The following STK3 variants were observed in gnomAD, a reference collection of about 807,000 sequenced individuals.
The protein encoded by STK3 is serine/threonine-protein kinase 3.
STK3 carries 41 observed loss-of-function variants against 58.0 expected under a neutral mutation model. The ratio of observed to expected loss-of-function variants is 0.71; its 90% CI spans 0.55 to 0.92. The LOEUF is 0.92. Ranked by LOEUF, STK3 falls within the 40% of genes least tolerant of loss-of-function variation. The pLI is 0.00. For synonymous variants in STK3, 170 were observed against 191.0 expected (o/e 0.89, Z 0.91); for missense variants, 479 against 602.7 (o/e 0.79, Z 2.15).
At chr8:98,646,416 T>C (rs1273773630) in intron 6 of STK3, among the ~76,000 whole-genome samples, 1 of 152,234 alleles carries the variant, frequency 6.6e-6, no homozygotes. Context: ...TTGTATTTTA[T>C]CTATTATCTA....
intron 1 of STK3, among the ~76,000 whole-genome samples, chr8:98,907,561 G>T (rs192154855): frequency 5.3e-5 from 8 of 152,220 alleles, no homozygotes; most frequent in Admixed American, 3.3e-4. Context: ...ATCAACTCAT[G>T]GCCAATGTTT....
At chr8:98,463,106 C>T (rs995688593) in intron 10 of STK3, 5 of 152,126 alleles carry the variant, frequency 3.3e-5, no homozygotes, top group African/African-American at 1.2e-4. Context: ...GAATATACTG[C>T]CTTCTAAGCA....
At chr8:98,468,651 A>G (rs764183047) in intron 10 of STK3, among the ~76,000 whole-genome samples, 1 of 152,252 alleles carries the variant, frequency 6.6e-6, no homozygotes, top group South Asian at 2.1e-4. Context: ...ATAAATGAAC[A>G]TAAGTCCTGC....
At chr8:98,367,540 C>T (rs966928545), downstream of STK3, among the ~76,000 whole-genome samples, 1 of 152,216 alleles carries the variant, frequency 6.6e-6, no homozygotes, top group South Asian at 2.1e-4. Context: ...AAGTTCTGGA[C>T]TTGCACAGCA....
At chr8:98,732,560 T>C (rs1284157936) in intron 4 of STK3, among the ~76,000 whole-genome samples, 1 of 152,136 alleles carries the variant, frequency 6.6e-6, no homozygotes, top group Non-Finnish European at 1.5e-5. Flanking sequence ...AAGGCTCAAA[T>C]AATAATTGAC....
chr8:98,658,654 C>T (rs575872351), intron 6 of STK3, among the ~76,000 whole-genome samples: 1 of 152,028 alleles, frequency 6.6e-6, no homozygotes, highest in East Asian at 1.9e-4. Context: ...TTCAATCACC[C>T]CCTATTGAAC....
chr8:98,902,754 C>A (rs541227150), intron 1 of STK3, among the ~76,000 whole-genome samples: 1 of 152,244 alleles, frequency 6.6e-6, no homozygotes, highest in South Asian at 2.1e-4. Context: ...CTTCCCATTG[C>A]ACTTAATAAT....
chr8:98,843,856 C>T (rs1005939230), intron 3 of STK3, among the ~76,000 whole-genome samples: 1 of 152,118 alleles, frequency 6.6e-6, no homozygotes, highest in African/African-American at 2.4e-5. Context: ...GTCTCTACTA[C>T]AAAGACAAAA....
chr8:98,687,846 A>G lies in STK3; in HGVS notation c.684+18621T>C, dbSNP rs903500680. Among the ~76,000 whole-genome samples, 28 of 152,202 alleles carry G rather than the reference A, an allele frequency of 1.8e-4. 2 individuals carry two copies. The highest frequency in any genetic ancestry group is 5.9e-5 in the Non-Finnish European group (4 of 68,036). On this transcript the variant is annotated intron_variant, in intron 6 of 10. Coordinates refer to ENST00000419617, the MANE Select transcript of STK3 (RefSeq NM_006281.4). ...AGCACACGTAAAGCACATAACCCAC[A>G]GACTCTATAAAGCAACTATACAATC...
intron 3 of STK3, among the ~76,000 whole-genome samples, chr8:98,433,687 G>A (rs1032008856): frequency 6.6e-6 from 1 of 152,198 alleles, no homozygotes; most frequent in African/African-American, 2.4e-5. Flanking sequence ...TTCTAGCCAT[G>A]AGCCGATCCT....
chr8:98,601,923 C>A (rs1816383920), intron 6 of STK3, among the ~76,000 whole-genome samples: 1 of 152,158 alleles, frequency 6.6e-6, no homozygotes, highest in South Asian at 2.1e-4. Flanking sequence ...AAGTTCAGCA[C>A]TTGTAGAACT....
At chr8:98,477,729 G>GGGGGGGT (rs1563643045) in intron 10 of STK3, among the ~76,000 whole-genome samples, 2 of 108,104 alleles carry the variant, frequency 1.9e-5, no homozygotes, top group African/African-American at 7.3e-5. Context: ...GGCGGGGGGG[G>GGGGGGGT]GCCCTAATGA....
rs566733528 is a variant in STK3, at chr8:98,862,601, G to A, written c.110+21046C>T. The stretch of plus-strand genomic sequence containing the variant: ...TTTGGAGATGGCTCAATGCCAGACC[G>A]AACAGGACTTTTTAGAGACATTGGA... On this transcript the variant is annotated intron_variant, in intron 3 of 12. Transcript: ENST00000523601. Among the ~76,000 whole-genome samples the A allele has an allele frequency of 1.9e-4, 29 of 152,296 alleles. No individual in the cohort carries two copies. In the South Asian group the frequency reaches 3.1e-3, roughly 16 times the overall value.
intron 3 of STK3, among the ~76,000 whole-genome samples, chr8:98,861,580 T>C (rs568506765): frequency 2.3e-4 from 35 of 152,210 alleles, no homozygotes; most frequent in African/African-American, 8.2e-4. Context: ...ACTCCTGAGC[T>C]TGGGCAATCC....
At chr8:98,349,315 TTA>T in the STK3 span, among the ~76,000 whole-genome samples, 1 of 152,246 alleles carries the variant, frequency 6.6e-6, no homozygotes, top group Non-Finnish European at 1.5e-5. Flanking sequence ...ACTCCATGTC[TTA>T]TATCCAGGTA....
intron 3 of STK3, among the ~76,000 whole-genome samples, chr8:98,874,629 AT>A (rs559248471): frequency 2.0e-5 from 3 of 151,624 alleles, no homozygotes; most frequent in Admixed American, 1.3e-4. Context: ...AATGTTTATA[AT>A]TTTTTTTGTT....
At chr8:98,389,873 A>G (rs888724496), upstream of STK3, among the ~76,000 whole-genome samples, 6 of 151,710 alleles carry the variant, frequency 4.0e-5, no homozygotes, top group Admixed American at 1.3e-4. Context: ...AGAAGGAGGG[A>G]GAAGAACCGG....
chr8:98,888,244 G>A (rs1370277617), intron 1 of STK3, among the ~76,000 whole-genome samples: 1 of 152,124 alleles, frequency 6.6e-6, no homozygotes, highest in Non-Finnish European at 1.5e-5. Context: ...GCTTGAACCT[G>A]GGAGGCGGAG....
chr8:98,886,871 G>C (rs1838009549), intron 1 of STK3, among the ~76,000 whole-genome samples: 1 of 152,154 alleles, frequency 6.6e-6, no homozygotes. Context: ...GCAGAGGTGG[G>C]TGGATTACCT....
Sources: gnomAD v4.1 joint callset for allele counts (sites outside exome capture counted in the v4.1 genomes callset) on GRCh38, gnomAD v4.1.1 for gene constraint, MANE v1.5 for transcripts, NCBI Gene and HGNC (gene_info 2026-07-23, HGNC 2026-07-21) for gene names.